FRAS1: variants seen among roughly 807,000 people sequenced by gnomAD.
FRAS1 encodes the protein Fraser extracellular matrix complex subunit 1.
In FRAS1, 290 loss-of-function variants were observed where a neutral mutation model predicts 435.2. The ratio of observed to expected loss-of-function variants is 0.67; its 90% CI spans 0.61 to 0.73. The LOEUF is 0.73. FRAS1 is among the 30% of genes least tolerant of loss of function. The probability of loss-of-function intolerance (pLI) is 0.00; values close to 1 mark genes in which losing one functional copy is unlikely to be tolerated. For synonymous variants in FRAS1, 1,800 were observed against 1,851.0 expected, an observed-to-expected ratio of 0.97 and a Z score of 0.71; for missense variants, 4,860 against 5,001.5, an observed-to-expected ratio of 0.97 and a Z score of 0.85.
intron 51 of FRAS1, among the ~76,000 whole-genome samples, chr4:78,471,413 C>T (rs1026229804): frequency 6.6e-6 from 1 of 151,980 alleles, no homozygotes; most frequent in Non-Finnish European, 1.5e-5. Flanking sequence ...CCAATTTCCC[C>T]TGTGCTCTAT....
At chr4:78,302,270 G>C (rs1473748072) in intron 14 of FRAS1, among the ~76,000 whole-genome samples, 37 of 151,480 alleles carry the variant, frequency 2.4e-4, no homozygotes, top group African/African-American at 5.1e-4. Flanking sequence ...GGACATTTGG[G>C]TTGGTTCCAA....
At position 78,536,994 on chromosome 4, in the gene FRAS1, G is replaced by T; in HGVS notation, c.11093-1G>T. On this transcript the variant is annotated splice_acceptor_variant, in intron 71 of 73. Coordinates refer to ENST00000512123, the MANE Select transcript of FRAS1 (RefSeq NM_025074.7). LOFTEE classifies it high-confidence loss of function. ...TAATTAATACCTTTCAATCTTTTCA[G>T]GTCAAATCCTTTATGGCCGAGTACT... The T allele has an allele frequency of 6.2e-7, 1 of 1,613,070 alleles. No homozygotes were observed. The highest frequency in any genetic ancestry group is 8.5e-7 in the Non-Finnish European group (1 of 1,179,220).
At chr4:78,401,480 C>G (rs1263375141) in intron 30 of FRAS1, among the ~76,000 whole-genome samples, 4 of 152,182 alleles carry the variant, frequency 2.6e-5, no homozygotes, top group African/African-American at 9.7e-5. Context: ...AAAGAGGACA[C>G]TGAAGGCCAG....
intron 2 of FRAS1, among the ~76,000 whole-genome samples, chr4:78,229,657 A>G (rs574592218): frequency 6.6e-6 from 1 of 151,944 alleles, no homozygotes; most frequent in African/African-American, 2.4e-5. Flanking sequence ...AAATGGTAAG[A>G]CTGCTGTACA....
In FRAS1 at chr4:78,132,163, G is replaced by T. The variant is rs1296519631; in HGVS notation, c.108+66147G>T. On this transcript the variant is annotated intron_variant, in intron 2 of 73. Coordinates refer to ENST00000512123, the MANE Select transcript of FRAS1 (RefSeq NM_025074.7). ...TATTTTTATTTTTTGCCAGGAACCT[G>T]GTTCTTGTATAAACCAGGGCCCCCC... Among the ~76,000 whole-genome samples, 6 of 152,242 alleles carry T rather than the reference G, an allele frequency of 3.9e-5. No homozygotes were observed. In the East Asian group the frequency reaches 1.2e-3, roughly 29 times the overall value.
intron 2 of FRAS1, among the ~76,000 whole-genome samples, chr4:78,173,007 G>C (rs1375347321): frequency 6.6e-6 from 1 of 151,574 alleles, no homozygotes; most frequent in Non-Finnish European, 1.5e-5. Context: ...GAAACACACT[G>C]TGAAATGTTA....
chr4:78,119,549 C>T (rs537074124), intron 2 of FRAS1, among the ~76,000 whole-genome samples: 112 of 152,192 alleles, frequency 7.4e-4, no homozygotes, highest in African/African-American at 2.6e-3. Flanking sequence ...AATAGTATTC[C>T]ATGGTCTATA....
Position 78,521,564 on chromosome 4 carries a change from A to T in FRAS1, c.10582A>T (p.Ile3528Leu), listed in dbSNP as rs1021207365. 2 of 1,611,898 alleles carry T rather than the reference A, an allele frequency of 1.2e-6. No individual in the cohort carries two copies. Among genetic ancestry groups the T allele is most frequent in the Non-Finnish European group, 1.7e-6 (2 of 1,178,876 alleles). The change falls in exon 68 of 74, where the codon ATA (isoleucine) becomes TTA (leucine). Residue 3528 changes from isoleucine (I) to leucine (L), a missense_variant. Coordinates refer to ENST00000512123, the MANE Select transcript of FRAS1 (RefSeq NM_025074.7). Reference protein sequence around the residue: ...DSVLSARLQIIRIYIREDGRL... With the variant: ...DSVLSARLQILRIYIREDGRL... ...CGTGCTCTCTGCAAGGCTTCAGATA[A>T]TAAGAATCTACATTCGAGAGGATGG...
intron 2 of FRAS1, among the ~76,000 whole-genome samples, chr4:78,175,163 A>T (rs1226763850): frequency 6.6e-6 from 1 of 152,188 alleles, no homozygotes; most frequent in Non-Finnish European, 1.5e-5. Context: ...CATCGCCTGG[A>T]GGCTACTTTT....
At chr4:78,410,327 A>G (rs182102420) in intron 31 of FRAS1, among the ~76,000 whole-genome samples, 159 of 152,102 alleles carry the variant, frequency 1.0e-3, no homozygotes, top group African/African-American at 3.7e-3. Flanking sequence ...TATTATTATT[A>G]TTAAAAAGAC....
chr4:78,174,640 T>C (rs1186678415), intron 2 of FRAS1, among the ~76,000 whole-genome samples: 2 of 152,232 alleles, frequency 1.3e-5, no homozygotes, highest in African/African-American at 2.4e-5. Context: ...AGTATTTGGC[T>C]GACTAGCACT....
Position 78,387,550 on chromosome 4 carries a change from CTATCT to C in FRAS1, c.3825_3829del (p.Ile1276SerfsTer6), listed in dbSNP as rs759201044. 1 of 1,613,858 alleles carries C rather than the reference CTATCT, an allele frequency of 6.2e-7. No individual in the cohort carries two copies. The highest frequency in any genetic ancestry group is 8.5e-7 in the Non-Finnish European group (1 of 1,179,838). On this transcript the variant is annotated frameshift_variant, in exon 29 of 74. Coordinates refer to ENST00000512123, the MANE Select transcript of FRAS1 (RefSeq NM_025074.7). LOFTEE classifies it high-confidence loss of function. The stretch of plus-strand genomic sequence containing the variant: ...CAGACACTTCAGTCCCCGGCAACCC[CTATCT>C]ATCAATTCCAGCTGGATGAACTCTC...
chr4:78,284,874 C>A (rs1210368348), intron 13 of FRAS1, among the ~76,000 whole-genome samples: 1 of 152,070 alleles, frequency 6.6e-6, no homozygotes, highest in East Asian at 1.9e-4. Context: ...TATCAGGATA[C>A]CTGGGCTCAT....
chr4:78,303,868 C>G (rs552142279), intron 14 of FRAS1, among the ~76,000 whole-genome samples: 60 of 149,050 alleles, frequency 4.0e-4, no homozygotes, highest in African/African-American at 1.4e-3. Context: ...GCCTAATTGC[C>G]CTGGCCAGAA....
intron 3 of FRAS1, among the ~76,000 whole-genome samples, chr4:78,239,549 C>G (rs1015105016): frequency 6.6e-6 from 1 of 152,290 alleles, no homozygotes; most frequent in Middle Eastern, 3.4e-3. Flanking sequence ...CCTTAAACCC[C>G]TCCAATGGCT....
In FRAS1 at chr4:78,421,886, C is replaced by CGG; in HGVS notation, c.4564_4565insGG (p.Pro1522ArgfsTer45). On this transcript the variant is annotated frameshift_variant, in exon 34 of 74. Transcript: ENST00000512123. LOFTEE classifies it high-confidence loss of function. ...AGGTATCATCGAGCACCGGGACCAC[C>CGG]CTCACTCTCCTATCCGGTATTTCAC... 1 of 1,591,974 alleles carries CGG rather than the reference C, an allele frequency of 6.3e-7. No individual in the cohort carries two copies. Among genetic ancestry groups the CGG allele is most frequent in the Non-Finnish European group, 8.6e-7 (1 of 1,160,592 alleles).
At chr4:78,522,891 T>A in intron 69 of FRAS1, 83 bp downstream of exon 69, 1 of 1,197,492 alleles carries the variant, frequency 8.4e-7, no homozygotes, top group Non-Finnish European at 1.1e-6. Flanking sequence ...AGTGCTTTCC[T>A]CTGAAGGCTA....
At position 78,239,191 on chromosome 4, in the gene FRAS1, T is replaced by C. The variant is rs1477545666; in HGVS notation, c.216+1574T>C. On this transcript the variant is annotated intron_variant, in intron 3 of 73. Coordinates refer to ENST00000512123, the MANE Select transcript of FRAS1 (RefSeq NM_025074.7). ...TATATCAAACTTGTGATTTCATCTCTTCCTAATTTGCTCTCCTAATTTTTC... is the reference window on the plus strand; with the variant it reads ...TATATCAAACTTGTGATTTCATCTCCTCCTAATTTGCTCTCCTAATTTTTC... Among the ~76,000 whole-genome samples the C allele has an allele frequency of 2.0e-5, 3 of 152,152 alleles. No individual in the cohort carries two copies. The East Asian group carries it at 5.8e-4, about 29-fold the overall frequency.
In FRAS1 at chr4:78,467,087, C is replaced by T. The variant is rs28508158; in HGVS notation, c.7257+652C>T. Among the ~76,000 whole-genome samples the T allele has an allele frequency of 4.5e-3, 679 of 152,216 alleles. 5 individuals carry two copies. The highest frequency in any genetic ancestry group is 0.016 in the African/African-American group (669 of 41,546). On this transcript the variant is annotated intron_variant, in intron 50 of 73. Transcript: ENST00000512123. ...TTTATCCTTTGTGTTACAAACAATC[C>T]AGTTATTCTCTTTTAGTTATTTTAA...
Sources: gnomAD v4.1 joint callset for allele counts (sites outside exome capture counted in the v4.1 genomes callset) on GRCh38, gnomAD v4.1.1 for gene constraint, MANE v1.5 for transcripts, NCBI Gene and HGNC (gene_info 2026-07-23, HGNC 2026-07-21) for gene names.